ARHGAP15: variants seen among roughly 807,000 people sequenced by gnomAD.
ARHGAP15 encodes rho GTPase-activating protein 15.
ARHGAP15 carries 51 observed loss-of-function variants against 63.7 expected under a neutral mutation model. The observed-to-expected ratio is 0.80, with a 90% CI of 0.64 to 1.01. The LOEUF is 1.01. ARHGAP15 is among the 50% of genes least tolerant of loss of function. The pLI, the probability that ARHGAP15 is intolerant of heterozygous loss-of-function variation, is 0.00. For synonymous variants in ARHGAP15, 191 were observed against 193.8 expected, an observed-to-expected ratio of 0.99 and a Z score of 0.12; for missense variants, 560 against 564.6, an observed-to-expected ratio of 0.99 and a Z score of 0.08.
chr2:143,607,371 T>C (rs946110263), intron 11 of ARHGAP15, among the ~76,000 whole-genome samples: 1 of 152,196 alleles, frequency 6.6e-6, no homozygotes, highest in Admixed American at 6.5e-5. Context: ...ATAACCCTGA[T>C]AATTTAGAAC....
intron 6 of ARHGAP15, among the ~76,000 whole-genome samples, chr2:143,317,761 A>AG (rs1490368344): frequency 6.6e-6 from 1 of 152,220 alleles, no homozygotes; most frequent in African/African-American, 2.4e-5. Flanking sequence ...GGCAACATAC[A>AG]GGATGGACTG....
intron 13 of ARHGAP15, among the ~76,000 whole-genome samples, chr2:143,711,467 C>T (rs567302609): frequency 7.2e-4 from 110 of 152,146 alleles, no homozygotes; most frequent in African/African-American, 2.6e-3. Context: ...ATACTCTGTA[C>T]AAGAACATGG....
chr2:143,569,925 G>C (rs75541346), intron 11 of ARHGAP15, among the ~76,000 whole-genome samples: 3,826 of 152,064 alleles, frequency 0.025, 77 homozygotes, highest in Middle Eastern at 0.092. Context: ...AAAGTGTAGA[G>C]AGAAGAGTGG....
intron 11 of ARHGAP15, among the ~76,000 whole-genome samples, chr2:143,581,866 C>T (rs1696921782): frequency 6.6e-6 from 1 of 152,142 alleles, no homozygotes. Context: ...AGGATTGGAG[C>T]TTCTCTTTCA....
At chr2:143,684,689 T>C (rs1400168158) in intron 12 of ARHGAP15, among the ~76,000 whole-genome samples, 1 of 152,184 alleles carries the variant, frequency 6.6e-6, no homozygotes, top group Non-Finnish European at 1.5e-5. Flanking sequence ...AGCATGCATG[T>C]TGTTTTGCAA....
chr2:143,574,133 A>G lies in ARHGAP15; in HGVS notation c.1003+17648A>G, dbSNP rs567250922. On this transcript the variant is annotated intron_variant, in intron 11 of 13. Transcript: ENST00000295095. ...ACAAGAGAAGGGGCAAAGAACATCT[A>G]TGATTGATCTCTACCTCTGCAGCCA... Among the ~76,000 whole-genome samples, 250 of 152,270 alleles carry G rather than the reference A, an allele frequency of 1.6e-3. 1 individual carries two copies. Among genetic ancestry groups the G allele is most frequent in the Non-Finnish European group, 2.7e-3 (185 of 68,008 alleles).
chr2:143,580,038 G>C (rs1292903808), intron 11 of ARHGAP15, among the ~76,000 whole-genome samples: 1 of 148,396 alleles, frequency 6.7e-6, no homozygotes, highest in Non-Finnish European at 1.5e-5. Flanking sequence ...CTGAAGAAAA[G>C]TTCTTTTTAT....
At chr2:143,488,644 G>T (rs1692432899) in intron 9 of ARHGAP15, among the ~76,000 whole-genome samples, 1 of 152,148 alleles carries the variant, frequency 6.6e-6, no homozygotes, top group South Asian at 2.1e-4. Flanking sequence ...CTCATGAAGA[G>T]GGCAAAGCAG....
At chr2:143,155,690 G>C in intron 2 of ARHGAP15, 35 bp downstream of exon 2, 1 of 1,495,850 alleles carries the variant, frequency 6.7e-7, no homozygotes, top group South Asian at 1.4e-5. Context: ...CAAGTTCCTT[G>C]TCATACAGAA....
In ARHGAP15 at chr2:143,241,340, A is replaced by G. The variant is rs191449005; in HGVS notation, c.385-9171A>G. On this transcript the variant is annotated intron_variant, in intron 5 of 13. Transcript: ENST00000295095. The stretch of plus-strand genomic sequence containing the variant: ...TTTTCACATATTTATTGGCTATCTC[A>G]ACTGCAATATGACATTAACAAGGGT... Among the ~76,000 whole-genome samples, 26 of 152,308 alleles carry G rather than the reference A, an allele frequency of 1.7e-4. No homozygotes were observed. The East Asian group carries it at 5.0e-3, about 29-fold the overall frequency.
chr2:143,382,717 C>T (rs1379180524), intron 6 of ARHGAP15, among the ~76,000 whole-genome samples: 5 of 152,164 alleles, frequency 3.3e-5, no homozygotes, highest in Non-Finnish European at 5.9e-5. Flanking sequence ...GAAATGTTGA[C>T]AGCTTTTAGC....
At chr2:143,469,754 A>G (rs1003853455) in intron 8 of ARHGAP15, among the ~76,000 whole-genome samples, 1 of 152,252 alleles carries the variant, frequency 6.6e-6, no homozygotes, top group African/African-American at 2.4e-5. Flanking sequence ...TGGGGAAATG[A>G]TAATACTTTG....
At chr2:143,320,487 C>T (rs1683971293) in intron 6 of ARHGAP15, among the ~76,000 whole-genome samples, 1 of 141,396 alleles carries the variant, frequency 7.1e-6, no homozygotes. Flanking sequence ...TTGGGGCAAA[C>T]ATATGCTGCA....
intron 13 of ARHGAP15, among the ~76,000 whole-genome samples, chr2:143,723,123 T>G (rs560142991): frequency 1.4e-4 from 21 of 152,338 alleles, no homozygotes; most frequent in African/African-American, 5.1e-4. Context: ...TACAGTAACA[T>G]GCTGTGCAGG....
At chr2:143,414,606 A>T (rs1688600244) in intron 6 of ARHGAP15, among the ~76,000 whole-genome samples, 1 of 152,050 alleles carries the variant, frequency 6.6e-6, no homozygotes, top group South Asian at 2.1e-4. Flanking sequence ...AAGACCAAGC[A>T]CTCTCCATGT....
intron 8 of ARHGAP15, among the ~76,000 whole-genome samples, chr2:143,437,859 A>G (rs1014092160): frequency 6.6e-6 from 1 of 152,058 alleles, no homozygotes; most frequent in African/African-American, 2.4e-5. Context: ...CTCCATCTCT[A>G]CTAAAACTAC....
At chr2:143,485,662 T>C (rs1056097494) in intron 8 of ARHGAP15, among the ~76,000 whole-genome samples, 2 of 152,152 alleles carry the variant, frequency 1.3e-5, no homozygotes, top group African/African-American at 4.8e-5. Context: ...CATTTTTTTT[T>C]ATTGTCATAA....
intron 4 of ARHGAP15, among the ~76,000 whole-genome samples, chr2:143,220,108 A>T (rs1026804295): frequency 6.6e-6 from 1 of 151,876 alleles, no homozygotes; most frequent in African/African-American, 2.4e-5. Context: ...AATCATCCCT[A>T]CCTCTTTTTT....
At chr2:143,277,316 A>C (rs1417255987) in intron 6 of ARHGAP15, among the ~76,000 whole-genome samples, 2 of 152,032 alleles carry the variant, frequency 1.3e-5, no homozygotes, top group African/African-American at 4.8e-5. Flanking sequence ...CTTTAGTGTA[A>C]CTGGCAGACA....
Sources: allele counts gnomAD v4.1 joint callset (sites outside exome capture counted in the v4.1 genomes callset), GRCh38; gene constraint gnomAD v4.1.1; transcripts MANE v1.5; gene names NCBI Gene and HGNC (gene_info 2026-07-23, HGNC 2026-07-21).